TAOK3: variants seen among roughly 807,000 people sequenced by gnomAD.
TAOK3 encodes the protein serine/threonine-protein kinase TAO3.
TAOK3 carries 40 observed loss-of-function variants against 120.4 expected under a neutral mutation model. The ratio of observed to expected loss-of-function variants is 0.33; its 90% confidence interval spans 0.26 to 0.43. The LOEUF is 0.43. TAOK3 is among the 20% of genes least tolerant of loss of function. The pLI is 1.00. For missense variants in TAOK3, 821 were observed against 1,112.1 expected (o/e 0.74, Z 3.72); for synonymous variants, 355 against 387.5 (o/e 0.92, Z 0.99).
intron 1 of TAOK3, among the ~76,000 whole-genome samples, chr12:118,283,315 T>A (rs2042159071): frequency 6.6e-6 from 1 of 152,338 alleles, no homozygotes; most frequent in African/African-American, 2.4e-5. Context: ...CCAGTGAATG[T>A]TGCAAGTACT....
chr12:118,246,743 T>C (rs895031237), intron 3 of TAOK3: 7 of 1,575,574 alleles, frequency 4.4e-6, no homozygotes, highest in African/African-American at 4.0e-5. Flanking sequence ...CTGGTATCGA[T>C]GACTGCTACA....
chr12:118,329,538 T>A (rs1034360965), intron 1 of TAOK3, among the ~76,000 whole-genome samples: 7 of 152,190 alleles, frequency 4.6e-5, no homozygotes, highest in Admixed American at 6.5e-5. Context: ...GAAAAAGGAC[T>A]ATATTCTGTA....
intron 1 of TAOK3, among the ~76,000 whole-genome samples, chr12:118,288,623 T>C (rs61945224): frequency 0.094 from 14,380 of 152,180 alleles, 862 homozygotes; most frequent in Non-Finnish European, 0.13. Flanking sequence ...CAGACTAAGA[T>C]AACATGCTTA....
chr12:118,221,045 T>C (rs1022841205), intron 9 of TAOK3, among the ~76,000 whole-genome samples: 1 of 152,210 alleles, frequency 6.6e-6, no homozygotes, highest in Non-Finnish European at 1.5e-5. Flanking sequence ...TGTAAGTTTA[T>C]TGGAACACAG....
At chr12:118,250,067 T>A (rs188866268) in intron 3 of TAOK3, among the ~76,000 whole-genome samples, 3 of 152,272 alleles carry the variant, frequency 2.0e-5, no homozygotes, top group African/African-American at 7.2e-5. Flanking sequence ...TTTTGTTTGT[T>A]TTCCTTTAGT....
At chr12:118,205,239 C>T (rs866841600) in intron 11 of TAOK3, among the ~76,000 whole-genome samples, 2 of 148,620 alleles carry the variant, frequency 1.3e-5, no homozygotes, top group African/African-American at 5.0e-5. Flanking sequence ...TGGTAGTGCC[C>T]GCCTATAGTC....
intron 5 of TAOK3, among the ~76,000 whole-genome samples, chr12:118,242,667 G>A (rs953453242): frequency 6.6e-6 from 1 of 151,968 alleles, no homozygotes; most frequent in Non-Finnish European, 1.5e-5. Context: ...GGAGACCAGC[G>A]TGGCCAACAT....
At chr12:118,205,904 T>C (rs1033418900) in intron 11 of TAOK3, among the ~76,000 whole-genome samples, 1 of 151,764 alleles carries the variant, frequency 6.6e-6, no homozygotes, top group East Asian at 1.9e-4. Context: ...AGCCACAGCT[T>C]TCAGACCCAA....
intron 1 of TAOK3, among the ~76,000 whole-genome samples, chr12:118,365,431 C>T (rs555073522): frequency 1.1e-4 from 15 of 137,336 alleles, no homozygotes; most frequent in African/African-American, 2.4e-4. Flanking sequence ...TGGGCGGGGG[C>T]GGGGGCGGTG....
intron 1 of TAOK3, among the ~76,000 whole-genome samples, chr12:118,365,431 C>A (rs555073522): frequency 1.5e-5 from 2 of 137,250 alleles, no homozygotes; most frequent in Admixed American, 7.6e-5. Flanking sequence ...TGGGCGGGGG[C>A]GGGGGCGGTG....
At chr12:118,212,126 A>C (rs1306112605) in intron 11 of TAOK3, among the ~76,000 whole-genome samples, 2 of 152,224 alleles carry the variant, frequency 1.3e-5, no homozygotes, top group Non-Finnish European at 2.9e-5. Context: ...TTACAAATTG[A>C]GGCAATACAA....
intron 1 of TAOK3, among the ~76,000 whole-genome samples, chr12:118,328,466 G>A (rs967435467): frequency 4.6e-5 from 7 of 152,154 alleles, no homozygotes; most frequent in African/African-American, 1.7e-4. Context: ...TAGAACAAAT[G>A]TATTAAAGAA....
chr12:118,237,769 T>C (rs1390079270), intron 7 of TAOK3, among the ~76,000 whole-genome samples: 2 of 152,174 alleles, frequency 1.3e-5, no homozygotes, highest in African/African-American at 4.8e-5. Flanking sequence ...GTTAATTTTC[T>C]TTTCTTTTCT....
At chr12:118,178,751 TTC>T (rs1222899599) in intron 15 of TAOK3, among the ~76,000 whole-genome samples, 1 of 152,182 alleles carries the variant, frequency 6.6e-6, no homozygotes, top group Non-Finnish European at 1.5e-5. Context: ...AGCCATTTTA[TTC>T]TCTTAGGCAC....
intron 2 of TAOK3, among the ~76,000 whole-genome samples, chr12:118,262,152 T>C (rs2041256283): frequency 6.6e-6 from 1 of 151,960 alleles, no homozygotes. Flanking sequence ...TGAGCCACTG[T>C]GCCTGGCCTG....
At position 118,161,396 on chromosome 12, in the gene TAOK3, T is replaced by C. The variant is rs1194774364; in HGVS notation, c.2139+392A>G. Among the ~76,000 whole-genome samples the C allele has an allele frequency of 1.3e-5, 2 of 152,200 alleles. No individual in the cohort carries two copies. Among genetic ancestry groups the C allele is most frequent in the Non-Finnish European group, 2.9e-5 (2 of 68,028 alleles). ...TAAATGACACTCTTTCCTCCTAAGC[T>C]TGGATGTGGCTTTAGAGTCTTTCTC... is the stretch of plus-strand genomic sequence containing the variant. On this transcript the variant is annotated intron_variant, in intron 18 of 20. Transcript: ENST00000392533. This position sits in a 1 kb window ranked among gnomAD's most constrained non-coding sequence, Gnocchi z 4.5.
intron 16 of TAOK3, among the ~76,000 whole-genome samples, chr12:118,172,959 C>T (rs1242921210): frequency 1.3e-5 from 2 of 152,156 alleles, no homozygotes; most frequent in Non-Finnish European, 2.9e-5. Flanking sequence ...GTGCAAGATA[C>T]AGGACACAAA....
chr12:118,340,700 G>A (rs1416659829), intron 1 of TAOK3, among the ~76,000 whole-genome samples: 9 of 151,362 alleles, frequency 5.9e-5, no homozygotes, highest in Non-Finnish European at 8.8e-5. Flanking sequence ...ACAGCACTCC[G>A]TTATTTTGAA....
At chr12:118,172,707 G>T in intron 16 of TAOK3, 47 bp from the exon 17 acceptor site, 2 of 1,483,156 alleles carry the variant, frequency 1.3e-6, no homozygotes, top group Non-Finnish European at 9.4e-7. Context: ...AAATGAAAGG[G>T]ACTGTAACAG....
Sources: allele counts gnomAD v4.1 joint callset (sites outside exome capture counted in the v4.1 genomes callset), GRCh38; gene constraint gnomAD v4.1.1; non-coding constraint Gnocchi (gnomAD v3.1); transcripts MANE v1.5; gene names NCBI Gene and HGNC (gene_info 2026-07-23, HGNC 2026-07-21).